Variants in DHCR24 observed in about 807,000 individuals in gnomAD.
DHCR24 encodes the protein delta(24)-sterol reductase.
Under a neutral mutation model 61.2 loss-of-function variants are expected in DHCR24, and 28 were observed. That is an observed-to-expected ratio of 0.46 (90% CI 0.34 to 0.63). The LOEUF (loss-of-function observed/expected upper bound fraction) is 0.63. DHCR24 is among the 20% of genes least tolerant of loss of function. The pLI is 0.01. For synonymous variants in DHCR24, 261 were observed against 275.9 expected (o/e 0.95, Z 0.54); for missense variants, 538 against 679.1 (o/e 0.79, Z 2.31).
At chr1:54,871,211 T>TAG in intron 5 of DHCR24, 139 bp downstream of exon 5, 2 of 908,948 alleles carry the variant, frequency 2.2e-6, no homozygotes, top group Non-Finnish European at 3.5e-6. Context: ...TAGATCCTGT[T>TAG]GCCTGTACCC....
rs373279603 is a variant in DHCR24, at chr1:54,875,905, G to A, written c.493+37C>T. The A allele has an allele frequency of 7.1e-5, 111 of 1,561,036 alleles. No homozygotes were observed. In the African/African-American group the frequency reaches 1.1e-3, roughly 16 times the overall value. Reference sequence around the variant, plus strand: ...GCCCATCAGCTCCGGTCCTAGGACCGTGTGTCTCTTCTTGCCCGTTAATAT... The same window carrying A: ...GCCCATCAGCTCCGGTCCTAGGACCATGTGTCTCTTCTTGCCCGTTAATAT... On this transcript the variant is annotated intron_variant, in intron 3 of 8. Coordinates refer to ENST00000371269, the MANE Select transcript of DHCR24 (RefSeq NM_014762.4).
At position 54,850,533 on chromosome 1, in the gene DHCR24, G is replaced by A. The variant is rs1417748949; in HGVS notation, c.*1700C>T. On this transcript the variant is annotated 3_prime_UTR_variant, in exon 9 of 9. Transcript: ENST00000371269. ...ACACTGGCAGTGTGCCAAGCCTTGG[G>A]TGGGATGGGTGAACACCCTTCAATG... 6.6e-6 allele frequency: 1 copy of A among 152,200 alleles called. No homozygotes were observed. The highest frequency in any genetic ancestry group is 2.4e-5 in the African/African-American group (1 of 41,430). 9.4% of individuals were successfully genotyped at this position (152,200 alleles called of 1,614,324 possible).
At chr1:54,854,293 A>G (rs1307173908) in intron 6 of DHCR24, 59 bp from the exon 7 acceptor site, 3 of 1,493,692 alleles carry the variant, frequency 2.0e-6, no homozygotes, top group South Asian at 1.2e-5. Flanking sequence ...AATGTCTCCA[A>G]GTGCAAGGGG....
At chr1:54,853,985 T>C (rs567281592) in intron 7 of DHCR24, 52 bp downstream of exon 7, 31 of 1,545,656 alleles carry the variant, frequency 2.0e-5, no homozygotes, top group African/African-American at 4.1e-5. Context: ...GAGGAGACCA[T>C]GGATTCCAAG....
chr1:54,862,184 A>T (rs546620932), intron 6 of DHCR24, among the ~76,000 whole-genome samples: 22 of 150,104 alleles, frequency 1.5e-4, no homozygotes, highest in African/African-American at 5.5e-4. Context: ...CATCTCTCCC[A>T]TCTTAAAGCA....
At chr1:54,858,083 C>T (rs541687374) in intron 6 of DHCR24, among the ~76,000 whole-genome samples, 1 of 152,350 alleles carries the variant, frequency 6.6e-6, no homozygotes, top group South Asian at 2.1e-4. Flanking sequence ...ATTGTTTATT[C>T]CTCCCCTCTA....
chr1:54,852,114 G>A lies in DHCR24; in HGVS notation c.*119C>T, dbSNP rs1402446087. 8.1e-7 allele frequency: 1 copy of A among 1,237,336 alleles called. No homozygotes were observed. The highest frequency in any genetic ancestry group is 1.5e-5 in the African/African-American group (1 of 67,238). The allele number at this position is 1,237,336 out of a possible 1,614,324, so 76.6% of individuals were successfully genotyped here. A position where few individuals can be genotyped will look rare whatever the true frequency, so the allele number is the denominator to read the frequency against. The stretch of plus-strand genomic sequence containing the variant: ...GAGGAAGGTGGTGTTGGGCTGTCAG[G>A]GTGGGAGTTCTGGAGGGGTTTCTCT... On this transcript the variant is annotated 3_prime_UTR_variant, in exon 9 of 9. Transcript: ENST00000371269.
intron 2 of DHCR24, among the ~76,000 whole-genome samples, chr1:54,880,738 C>T (rs951063331): frequency 1.8e-4 from 27 of 152,056 alleles, no homozygotes; most frequent in South Asian, 2.1e-4. Flanking sequence ...GCACTCCAGC[C>T]GGGGCCACAG....
intron 8 of DHCR24, among the ~76,000 whole-genome samples, chr1:54,853,185 G>C (rs776002314): frequency 6.6e-6 from 1 of 151,882 alleles, no homozygotes; most frequent in African/African-American, 2.4e-5. Context: ...GGGGCTGCTG[G>C]GGGGGTGTGA....
At position 54,850,857 on chromosome 1, in the gene DHCR24, C is replaced by G. The variant is rs1484108338; in HGVS notation, c.*1376G>C. On this transcript the variant is annotated 3_prime_UTR_variant, in exon 9 of 9. Coordinates refer to ENST00000371269, the MANE Select transcript of DHCR24 (RefSeq NM_014762.4). ...AGCTCAGAGGACAATGACTTGCCCA[C>G]GTTGCACAGCTCGCTGACAGTAGAG... 2.0e-5 allele frequency: 3 copies of G among 152,312 alleles called. No individual in the cohort carries two copies. In the East Asian group the frequency reaches 5.8e-4, roughly 29 times the overall value. The allele number at this position is 152,312 out of a possible 1,614,324, so 9.4% of individuals were successfully genotyped here.
At position 54,887,096 on chromosome 1, in the gene DHCR24, G is replaced by T. The variant is rs1647104057; in HGVS notation, c.24C>A (p.Ala8=). 1.3e-6 allele frequency: 2 copies of T among 1,598,066 alleles called. No homozygotes were observed. The highest frequency in any genetic ancestry group is 1.8e-5 in the Admixed American group (1 of 56,884). Reference sequence around the variant, plus strand: ...ACAGCAGGAAGAGCAGCGCGCACACGGCCAGCGACACGGCGGGCTCCATGG... The same window carrying T: ...ACAGCAGGAAGAGCAGCGCGCACACTGCCAGCGACACGGCGGGCTCCATGG... MEPAVSL[A]VCALLFLLWV... Residue 8 remains alanine, a synonymous_variant, in exon 1 of 9, where the codon GCC becomes GCA. Coordinates refer to ENST00000371269, the MANE Select transcript of DHCR24 (RefSeq NM_014762.4).
In DHCR24 at chr1:54,851,908, C is replaced by T. The variant is rs1220574361; in HGVS notation, c.*325G>A. On this transcript the variant is annotated 3_prime_UTR_variant, in exon 9 of 9. Coordinates refer to ENST00000371269, the MANE Select transcript of DHCR24 (RefSeq NM_014762.4). ...GACCAGTGCTCAACTCAGATGACAACAACCTGCAAGTAGGTATTACTATCC... is the reference window on the plus strand; with the variant it reads ...GACCAGTGCTCAACTCAGATGACAATAACCTGCAAGTAGGTATTACTATCC... 1.0e-5 allele frequency: 4 copies of T among 383,796 alleles called. No homozygotes were observed. Among genetic ancestry groups the T allele is most frequent in the Admixed American group, 7.9e-5 (2 of 25,448 alleles). 23.8% of individuals were successfully genotyped at this position (383,796 alleles called of 1,614,324 possible). A position where few individuals can be genotyped will look rare whatever the true frequency, so the allele number is the denominator to read the frequency against.
chr1:54,873,460 A>C lies in DHCR24; in HGVS notation c.612+1633T>G, dbSNP rs113793661. On this transcript the variant is annotated intron_variant, in intron 4 of 8. Transcript: ENST00000371269. The stretch of plus-strand genomic sequence containing the variant: ...AGAGTGTACTCTTTCTGCTTATTAA[A>C]AAAAAGTTAACTGTAAACAGCATCA... Among the ~76,000 whole-genome samples, 1,255 of 152,344 alleles carry C rather than the reference A, an allele frequency of 8.2e-3. 52 individuals are homozygous for C. In the East Asian group the frequency reaches 0.12, roughly 15 times the overall value.
At chr1:54,871,715 A>T (rs995887297) in intron 4 of DHCR24, 102 bp from the exon 5 acceptor site, 3 of 1,495,366 alleles carry the variant, frequency 2.0e-6, no homozygotes, top group African/African-American at 1.4e-5. Flanking sequence ...CTATTCTCTC[A>T]CTCTCTTGTA....
At chr1:54,852,990 A>AATT (rs1212332482) in intron 8 of DHCR24, among the ~76,000 whole-genome samples, 2 of 152,232 alleles carry the variant, frequency 1.3e-5, no homozygotes, top group African/African-American at 4.8e-5. Flanking sequence ...TCCACTCAAT[A>AATT]GTTTATCCAG....
At chr1:54,886,678 G>C in intron 1 of DHCR24, 3 of 1,504,554 alleles carry the variant, frequency 2.0e-6, no homozygotes, top group Non-Finnish European at 2.7e-6. Flanking sequence ...ACCCGCATAT[G>C]CCCTGCACAC....
At chr1:54,880,424 A>T (rs1403630640) in intron 2 of DHCR24, among the ~76,000 whole-genome samples, 1 of 152,236 alleles carries the variant, frequency 6.6e-6, no homozygotes, top group African/African-American at 2.4e-5. Context: ...TATAGGAGAA[A>T]GCCTTTCTGA....
intron 5 of DHCR24, among the ~76,000 whole-genome samples, chr1:54,866,028 C>G (rs1646966477): frequency 6.6e-6 from 1 of 152,136 alleles, no homozygotes; most frequent in African/African-American, 2.4e-5. Context: ...GCTCCCACAC[C>G]CAAATCTTCT....
Position 54,870,138 on chromosome 1 carries a change from C to G in DHCR24, c.876+1212G>C, listed in dbSNP as rs575976838. Among the ~76,000 whole-genome samples the G allele has an allele frequency of 3.3e-3, 499 of 151,956 alleles. 2 individuals are homozygous for G. The highest frequency in any genetic ancestry group is 0.012 in the African/African-American group (480 of 41,454). ...TTAGGAGGCTAAGGCAGGAGGATTG[C>G]TTGAGCCCTGGAGTTCAAGGCTACA... is the stretch of plus-strand genomic sequence containing the variant. On this transcript the variant is annotated intron_variant, in intron 5 of 8. Coordinates refer to ENST00000371269, the MANE Select transcript of DHCR24 (RefSeq NM_014762.4).
Sources: allele counts gnomAD v4.1 joint callset (sites outside exome capture counted in the v4.1 genomes callset), GRCh38; gene constraint gnomAD v4.1.1; transcripts MANE v1.5; gene names NCBI Gene and HGNC (gene_info 2026-07-23, HGNC 2026-07-21).